LILRB1: variants seen among roughly 807,000 people sequenced by gnomAD.
LILRB1 encodes the protein leukocyte immunoglobulin like receptor B1.
Under a neutral mutation model 74.6 loss-of-function variants are expected in LILRB1, and 59 were observed. The observed-to-expected ratio is 0.79, with a 90% CI of 0.64 to 0.98. The LOEUF is 0.98. LILRB1 is among the 50% of genes least tolerant of loss of function. LILRB1 has a pLI of 0.00. For missense variants in LILRB1, 804 were observed against 822.6 expected (o/e 0.98, Z 0.28); for synonymous variants, 328 against 333.9 (o/e 0.98, Z 0.19).
At chr19:54,626,365 T>G (rs2063588769), upstream of LILRB1, among the ~76,000 whole-genome samples, 1 of 152,252 alleles carries the variant, frequency 6.6e-6, no homozygotes, top group Non-Finnish European at 1.5e-5. Flanking sequence ...TGTTCTTTCT[T>G]CATTTCTGTA....
rs554111310 is a variant in LILRB1 at position 54,636,892 on chromosome 19, G to T, written c.*14G>T. On this transcript the variant is annotated 3_prime_UTR_variant, in exon 15 of 15. Transcript: ENST00000324602. ...GCCATCCACTAGCCCAGGGGGGGAC[G>T]CAGACCCCACACTCCATGGAGTCTG... The T allele has an allele frequency of 6.2e-7, 1 of 1,613,334 alleles. No homozygotes were observed. The highest frequency in any genetic ancestry group is 1.7e-5 in the Admixed American group (1 of 60,004).
chr19:54,620,861 C>T (rs1376461299), intron 1 of LILRB1, among the ~76,000 whole-genome samples: 7 of 151,988 alleles, frequency 4.6e-5, no homozygotes, highest in Non-Finnish European at 8.8e-5. Context: ...GTGCAGTTGT[C>T]TTATTTATTT....
chr19:54,633,885 T>C, intron 8 of LILRB1, 86 bp from the exon 9 acceptor site: 2 of 1,519,522 alleles, frequency 1.3e-6, no homozygotes, highest in South Asian at 1.2e-5. Context: ...CAGAGAGAAA[T>C]GTTGGGGCCC....
Position 54,637,878 on chromosome 19 carries a change from T to C in LILRB1, c.*1000T>C, listed in dbSNP as rs370482839. On this transcript the variant is annotated 3_prime_UTR_variant, in exon 15 of 15. Transcript: ENST00000324602. ...AATATACTAGAAATTGCAGATTAAA[T>C]AGATGAAATATTCTAAACTGGAGTT... Among the ~76,000 whole-genome samples, 1 of 152,178 alleles carries C rather than the reference T, an allele frequency of 6.6e-6. No individual in the cohort carries two copies. Among genetic ancestry groups the C allele is most frequent in the African/African-American group, 2.4e-5 (1 of 41,438 alleles).
Position 54,637,040 on chromosome 19 carries a change from C to T in LILRB1, c.*162C>T. On this transcript the variant is annotated 3_prime_UTR_variant, in exon 15 of 15. Coordinates refer to ENST00000324602, the MANE Select transcript of LILRB1 (RefSeq NM_001081637.3). ...TCTGCAGTATAAATAACTAATGTCT[C>T]TACAATTTTGAAATAAAGCAACAGA... 1.3e-6 allele frequency: 1 copy of T among 770,766 alleles called. No homozygotes were observed. The highest frequency in any genetic ancestry group is 2.0e-6 in the Non-Finnish European group (1 of 491,996). 47.7% of individuals were successfully genotyped at this position (770,766 alleles called of 1,614,324 possible).
rs151327243 is a variant in LILRB1, at chr19:54,632,894, C to T, written c.959-122C>T. ...GAGACAGACAGAGACAGGGGATGGG[C>T]GGGGAGGGGGAGACTCAGAGAAAAC... On this transcript the variant is annotated intron_variant, in intron 6 of 14. Transcript: ENST00000324602. 4.0e-3 allele frequency: 2,284 copies of T among 573,120 alleles called. 48 individuals are homozygous for T. In the East Asian group the frequency reaches 0.098, roughly 25 times the overall value. 35.5% of individuals were successfully genotyped at this position (573,120 alleles called of 1,614,324 possible).
intron 2 of LILRB1, 54 bp from the exon 3 acceptor site, chr19:54,631,217 G>A (rs2063807367): frequency 6.2e-7 from 1 of 1,614,090 alleles, no homozygotes; most frequent in Admixed American, 1.7e-5. Context: ...CCAGGGAGGG[G>A]AGGACCTGCC....
chr19:54,634,295 A>T lies in LILRB1; in HGVS notation c.1363+274A>T, dbSNP rs144768184. ...GCCTGTCCCGTCCCACCTGCAGCAGAGACGGTGACCTGGGGCAGGGGAGGG... is the reference window on the plus strand; with the variant it reads ...GCCTGTCCCGTCCCACCTGCAGCAGTGACGGTGACCTGGGGCAGGGGAGGG... On this transcript the variant is annotated intron_variant, in intron 9 of 14. Transcript: ENST00000324602. The T allele has an allele frequency of 2.1e-3, 3,102 of 1,482,986 alleles. 11 individuals are homozygous for T. Among genetic ancestry groups the T allele is most frequent in the African/African-American group, 0.015 (1,048 of 71,814 alleles). The allele number at this position is 1,482,986 out of a possible 1,614,324, so 91.9% of individuals were successfully genotyped here.
At position 54,633,020 on chromosome 19, in the gene LILRB1, G is replaced by T. The variant is rs184520604; in HGVS notation, c.963G>T (p.Gln321His). The change falls in exon 7 of 15, where the codon CAG becomes CAT. Residue 321 changes from glutamine to histidine, a missense_variant. By Grantham distance (24) the Gln-to-His change is conservative (BLOSUM62 0). Coordinates refer to ENST00000324602, the MANE Select transcript of LILRB1 (RefSeq NM_001081637.3). The part of the protein sequence containing the change: ...SDPLDILIAG[Q>H]FYDRVSLSVQ... The stretch of plus-strand genomic sequence containing the variant: ...GCCCATCCTTCTTCTCTCCAGGACA[G>T]TTCTATGACAGAGTCTCCCTCTCGG... 1.2e-6 allele frequency: 2 copies of T among 1,613,598 alleles called. No individual in the cohort carries two copies. The highest frequency in any genetic ancestry group is 1.7e-6 in the Non-Finnish European group (2 of 1,179,632).
At position 54,631,604 on chromosome 19, in the gene LILRB1, C is replaced by CGTCTATATA. The variant is rs760155460; in HGVS notation, c.177_185dup (p.Tyr61_Arg62insSerLeuTyr). On this transcript the variant is annotated inframe_insertion, in exon 4 of 15. Transcript: ENST00000324602. ...GGGGGGCCAGGAGACCCAGGAGTAC[C>CGTCTATATA]GTCTATATAGAGAAAAGAAAACAGC... The CGTCTATATA allele has an allele frequency of 1.2e-6, 2 of 1,614,276 alleles. No homozygotes were observed. Among genetic ancestry groups the CGTCTATATA allele is most frequent in the African/African-American group, 2.7e-5 (2 of 75,088 alleles).
rs1568611241 is a variant in LILRB1, at chr19:54,636,830, G to T, written c.1911G>T (p.Gly637=). The part of the protein sequence containing the change: ...EATEPPPSQE[G]PSPAVPSIYA... ...CTGAGCCTCCTCCATCCCAGGAAGGGCCCTCTCCAGCTGTGCCCAGCATCT... is the reference window on the plus strand; with the variant it reads ...CTGAGCCTCCTCCATCCCAGGAAGGTCCCTCTCCAGCTGTGCCCAGCATCT... Residue 637 remains glycine (G), a synonymous_variant, in exon 15 of 15, where the codon GGG becomes GGT. Coordinates refer to ENST00000324602, the MANE Select transcript of LILRB1 (RefSeq NM_001081637.3). The T allele has an allele frequency of 1.9e-6, 3 of 1,613,496 alleles. No individual in the cohort carries two copies. The highest frequency in any genetic ancestry group is 1.6e-4 in the Middle Eastern group (1 of 6,062).
rs2064280592 is a variant in LILRB1, at chr19:54,635,144, G to T, written c.1527G>T (p.Val509=). 1 of 1,592,852 alleles carries T rather than the reference G, an allele frequency of 6.3e-7. No individual in the cohort carries two copies. Among genetic ancestry groups the T allele is most frequent in the Non-Finnish European group, 8.6e-7 (1 of 1,164,768 alleles). The change falls in exon 11 of 15, where the codon GTG becomes GTT. Residue 509 remains valine, a synonymous_variant. Coordinates refer to ENST00000324602, the MANE Select transcript of LILRB1 (RefSeq NM_001081637.3). ...ATTTCCAACATCCTGCAGGGGCTGT[G>T]GGGCCAGAGCCCACAGACAGAGGCC... ...KADFQHPAGA[V]GPEPTDRGLQ...
Position 54,633,706 on chromosome 19 carries a change from C to G in LILRB1, c.1312+18C>G. On this transcript the variant is annotated intron_variant, in intron 8 of 14. Coordinates refer to ENST00000324602, the MANE Select transcript of LILRB1 (RefSeq NM_001081637.3). ...CACATCTGGTGAGTCCCTGAGGCTT[C>G]TGAACTCAAGGGAGTGCGGCCTCCC... is the stretch of plus-strand genomic sequence containing the variant. The G allele has an allele frequency of 4.3e-6, 7 of 1,612,334 alleles. No individual in the cohort carries two copies. Among genetic ancestry groups the G allele is most frequent in the Non-Finnish European group, 5.9e-6 (7 of 1,179,130 alleles).
In LILRB1 at chr19:54,632,080, G is replaced by C; in HGVS notation, c.504G>C (p.Leu168=). 1 of 1,614,260 alleles carries C rather than the reference G, an allele frequency of 6.2e-7. No homozygotes were observed. The highest frequency in any genetic ancestry group is 1.6e-4 in the Middle Eastern group (1 of 6,062). The change falls in exon 5 of 15, where the codon CTG becomes CTC. Residue 168 remains leucine (L), a synonymous_variant. Transcript: ENST00000324602. ...GAGAAGATGAACACCCACAATGCCT[G>C]AACTCCCAGCCCCATGCCCGTGGGT... The part of the protein sequence containing the change: ...KEGEDEHPQC[L]NSQPHARGSS...
intron 9 of LILRB1, chr19:54,634,399 G>A: frequency 1.3e-6 from 2 of 1,537,834 alleles, no homozygotes; most frequent in Non-Finnish European, 1.8e-6. Flanking sequence ...AACAAGGGCT[G>A]CAGGTCAGAC....
intron 1 of LILRB1, among the ~76,000 whole-genome samples, chr19:54,625,152 A>G (rs958457832): frequency 7.3e-6 from 1 of 137,030 alleles, no homozygotes; most frequent in Non-Finnish European, 1.7e-5. Flanking sequence ...GCCTCTGAGC[A>G]TTGGACTTTC....
chr19:54,631,667 A>G lies in LILRB1; in HGVS notation c.238A>G (p.Lys80Glu). ...ITRIPQELVK[K>E]GQFPIPSITW... Reference sequence around the variant, plus strand: ...ACGGATCCCACAGGAGCTTGTGAAGAAGGGCCAGTTCCCCATCCCATCCAT... The same window carrying G: ...ACGGATCCCACAGGAGCTTGTGAAGGAGGGCCAGTTCCCCATCCCATCCAT... Residue 80 changes from lysine to glutamate, a missense_variant, in exon 4 of 15, where the codon AAG becomes GAG. Transcript: ENST00000324602. 6.2e-7 allele frequency: 1 copy of G among 1,614,278 alleles called. No individual in the cohort carries two copies. The highest frequency in any genetic ancestry group is 8.5e-7 in the Non-Finnish European group (1 of 1,180,038).
intron 1 of LILRB1, among the ~76,000 whole-genome samples, chr19:54,619,186 G>A (rs187588772): frequency 1.3e-5 from 2 of 152,062 alleles, no homozygotes; most frequent in African/African-American, 4.8e-5. Flanking sequence ...AGATGAAAAG[G>A]AAAGTAATTT....
In LILRB1 at chr19:54,633,682, A is replaced by G. The variant is rs1406401907; in HGVS notation, c.1306A>G (p.Thr436Ala). ...PSSPTTGPTS[T>A]SAGPEDQPLT... ...CTCCCCGACAACAGGCCCCACCTCC[A>G]CATCTGGTGAGTCCCTGAGGCTTCT... The change falls in exon 8 of 15, where the codon ACA (threonine) becomes GCA (alanine). Residue 436 changes from threonine to alanine, a missense_variant. Transcript: ENST00000324602. 1.2e-6 allele frequency: 2 copies of G among 1,613,578 alleles called. No individual in the cohort carries two copies. The highest frequency in any genetic ancestry group is 3.3e-5 in the Admixed American group (2 of 59,982).
Sources: gnomAD v4.1 joint callset for allele counts (sites outside exome capture counted in the v4.1 genomes callset) on GRCh38, gnomAD v4.1.1 for gene constraint, MANE v1.5 for transcripts, NCBI Gene and HGNC (gene_info 2026-07-23, HGNC 2026-07-21) for gene names.